Variants in DNAH11 observed in about 807,000 individuals in gnomAD.
The protein encoded by DNAH11 is dynein axonemal heavy chain 11.
In DNAH11, 442 loss-of-function variants were observed where a neutral mutation model predicts 526.0. The observed-to-expected ratio is 0.84, with a 90% CI of 0.78 to 0.91. The LOEUF is 0.91. DNAH11 is among the 40% of genes least tolerant of loss of function. DNAH11 has a pLI of 0.00. For synonymous variants in DNAH11, 2,461 were observed against 1,935.9 expected, an observed-to-expected ratio of 1.27 and a Z score of -7.12; for missense variants, 6,989 against 5,448.7, an observed-to-expected ratio of 1.28 and a Z score of -8.90.
chr7:21,597,357 A>G (rs1047484877), intron 14 of DNAH11, among the ~76,000 whole-genome samples: 3 of 152,120 alleles, frequency 2.0e-5, no homozygotes, highest in Non-Finnish European at 4.4e-5. Flanking sequence ...TTAACTTCCT[A>G]CTAGTGCGAC....
intron 14 of DNAH11, among the ~76,000 whole-genome samples, chr7:21,593,080 A>C (rs1456447349): frequency 1.3e-5 from 2 of 152,178 alleles, no homozygotes; most frequent in African/African-American, 2.4e-5. Flanking sequence ...GGAATTGTAG[A>C]TAGAAAAGAG....
intron 25 of DNAH11, among the ~76,000 whole-genome samples, chr7:21,631,412 G>C (rs1786602119): frequency 1.3e-5 from 2 of 152,126 alleles, no homozygotes; most frequent in African/African-American, 4.8e-5. Flanking sequence ...TAACTCAAGA[G>C]TCCACAGTTG....
intron 60 of DNAH11, among the ~76,000 whole-genome samples, chr7:21,788,591 A>G (rs1439633457): frequency 2.0e-5 from 3 of 152,156 alleles, no homozygotes; most frequent in Non-Finnish European, 4.4e-5. Flanking sequence ...AGCAGAAAAA[A>G]AATTGATCCA....
rs1330445927 is a variant in DNAH11 at position 21,726,935 on chromosome 7, C to CTTTTTTTTTTTTTTTTTTTT, written c.7440+967_7440+968insTTTTTTTTTTTTTTTTTTTT. ...CTGTTATATTTCTGCATCCTCTTTT[C>CTTTTTTTTTTTTTTTTTTTT]TTTTTTTTTTTTTTTTGAGATGGAG... is the stretch of plus-strand genomic sequence containing the variant. On this transcript the variant is annotated intron_variant, in intron 45 of 81. Transcript: ENST00000409508. 2.2e-4 allele frequency among the ~76,000 whole-genome samples: 7 copies of CTTTTTTTTTTTTTTTTTTTT among 31,990 alleles called. 2 individuals carry two copies. The highest frequency in any genetic ancestry group is 1.0e-3 in the African/African-American group (7 of 6,842). 21.0% of individuals were successfully genotyped at this position (31,990 alleles called of 152,430 possible).
At chr7:21,697,753 C>A (rs1034433369) in intron 35 of DNAH11, among the ~76,000 whole-genome samples, 3 of 152,194 alleles carry the variant, frequency 2.0e-5, no homozygotes, top group Non-Finnish European at 4.4e-5. Context: ...GGTAAAGCCT[C>A]GCCCCTTGCT....
At chr7:21,666,370 C>G (rs11514746) in intron 30 of DNAH11, among the ~76,000 whole-genome samples, 1 of 151,940 alleles carries the variant, frequency 6.6e-6, no homozygotes, top group Non-Finnish European at 1.5e-5. Context: ...AGGAAAGTTT[C>G]TCCACTCCTC....
At chr7:21,854,012 G>A (rs750981047) in intron 67 of DNAH11, among the ~76,000 whole-genome samples, 7 of 152,140 alleles carry the variant, frequency 4.6e-5, no homozygotes, top group Non-Finnish European at 7.3e-5. Flanking sequence ...GAAAGAGAGA[G>A]GGGAGGCAGG....
chr7:21,730,619 C>CAAA (rs1785336425), intron 45 of DNAH11, among the ~76,000 whole-genome samples: 1 of 152,274 alleles, frequency 6.6e-6, no homozygotes, highest in African/African-American at 2.4e-5. Context: ...CATGATTTCA[C>CAAA]TGACTTGTGA....
intron 65 of DNAH11, among the ~76,000 whole-genome samples, chr7:21,839,097 T>C (rs1782106057): frequency 6.6e-6 from 1 of 152,184 alleles, no homozygotes; most frequent in Admixed American, 6.5e-5. Context: ...ACTAATGATA[T>C]TAAGCATCTT....
intron 35 of DNAH11, among the ~76,000 whole-genome samples, chr7:21,692,926 T>G (rs1783691332): frequency 6.6e-6 from 1 of 152,222 alleles, no homozygotes; most frequent in African/African-American, 2.4e-5. Context: ...TGGCTAATGA[T>G]GTTGAGCCTC....
At chr7:21,622,627 T>C (rs1007654235) in intron 25 of DNAH11, among the ~76,000 whole-genome samples, 7 of 151,750 alleles carry the variant, frequency 4.6e-5, no homozygotes, top group African/African-American at 9.7e-5. Flanking sequence ...CAGATATAGA[T>C]CAATGGAACA....
chr7:21,707,610 T>C (rs1342540790), intron 39 of DNAH11, 89 bp from the exon 40 acceptor site: 7 of 1,467,010 alleles, frequency 4.8e-6, no homozygotes, highest in Non-Finnish European at 5.5e-6. Context: ...GAACATATAA[T>C]GAATACGGAA....
chr7:21,837,006 A>G (rs1039348625), intron 65 of DNAH11, among the ~76,000 whole-genome samples: 3 of 152,204 alleles, frequency 2.0e-5, no homozygotes, highest in African/African-American at 7.2e-5. Context: ...CCACATCACT[A>G]ATTATCAGGG....
At chr7:21,590,485 G>A (rs1431401355) in intron 12 of DNAH11, among the ~76,000 whole-genome samples, 1 of 152,174 alleles carries the variant, frequency 6.6e-6, no homozygotes, top group Admixed American at 6.5e-5. Context: ...TCTCATGGCA[G>A]TCAAAATGCA....
intron 30 of DNAH11, among the ~76,000 whole-genome samples, chr7:21,666,863 C>A (rs913076245): frequency 3.3e-5 from 5 of 151,688 alleles, no homozygotes; most frequent in African/African-American, 1.2e-4. Context: ...CTCTACCTCC[C>A]CTCTCATCAA....
intron 74 of DNAH11, 50 bp from the exon 75 acceptor site, chr7:21,880,652 T>G (rs917682497): frequency 6.2e-7 from 1 of 1,602,986 alleles, no homozygotes; most frequent in African/African-American, 1.3e-5. Flanking sequence ...ACCCTTGCTC[T>G]TGGAAACCAT....
intron 61 of DNAH11, among the ~76,000 whole-genome samples, chr7:21,797,329 C>T (rs1788765688): frequency 6.6e-6 from 1 of 151,724 alleles, no homozygotes; most frequent in Non-Finnish European, 1.5e-5. Flanking sequence ...AAGCAGTTCT[C>T]CTGCCTCAGC....
At chr7:21,700,319 G>A (rs775591569) in intron 36 of DNAH11, among the ~76,000 whole-genome samples, 8 of 152,200 alleles carry the variant, frequency 5.3e-5, no homozygotes, top group Non-Finnish European at 1.2e-4. Context: ...AGCTGGGTTA[G>A]GAACACAATT....
rs145797425 is a variant in DNAH11, at chr7:21,827,567, T to C, written c.10691+9228T>C. 1.8e-3 allele frequency among the ~76,000 whole-genome samples: 269 copies of C among 152,114 alleles called. 1 individual carries two copies. The highest frequency in any genetic ancestry group is 6.0e-3 in the African/African-American group (251 of 41,570). On this transcript the variant is annotated intron_variant, in intron 65 of 81. Transcript: ENST00000409508. Reference sequence around the variant, plus strand: ...CATTCTGTATTTTTCATACAATTATTATTTTAATAATAGTCTTAAAGTAGC... The same window carrying C: ...CATTCTGTATTTTTCATACAATTATCATTTTAATAATAGTCTTAAAGTAGC...
Sources: allele counts gnomAD v4.1 joint callset (sites outside exome capture counted in the v4.1 genomes callset), GRCh38; gene constraint gnomAD v4.1.1; transcripts MANE v1.5; gene names NCBI Gene and HGNC (gene_info 2026-07-23, HGNC 2026-07-21).